The following SPTA1 variants were observed in gnomAD, a reference collection of about 807,000 sequenced individuals.
The protein encoded by SPTA1 is spectrin alpha chain, erythrocytic 1.
A neutral mutation model predicts 324.7 loss-of-function variants in SPTA1; 177 were observed. The ratio of observed to expected loss-of-function variants is 0.55; its 90% confidence interval spans 0.48 to 0.62. The LOEUF (loss-of-function observed/expected upper bound fraction) is 0.62, where lower values mean the gene tolerates loss of function less well. SPTA1 is among the 20% of genes least tolerant of loss of function. The probability of loss-of-function intolerance (pLI) is 0.00; values close to 1 mark genes in which losing one functional copy is unlikely to be tolerated. For missense variants in SPTA1, 3,162 were observed against 2,883.6 expected (o/e 1.10, Z -2.21); for synonymous variants, 1,195 against 1,041.3 (o/e 1.15, Z -2.84).
intron 1 of SPTA1, among the ~76,000 whole-genome samples, chr1:158,685,716 G>A (rs746347057): frequency 9.9e-5 from 15 of 152,076 alleles, no homozygotes; most frequent in Non-Finnish European, 1.8e-4. Flanking sequence ...GGCTAAAAAG[G>A]TGTTGAGAAG....
chr1:158,656,639 A>C lies in SPTA1; in HGVS notation c.2823T>G (p.His941Gln). The C allele has an allele frequency of 1.2e-6, 2 of 1,613,698 alleles. No homozygotes were observed. The highest frequency in any genetic ancestry group is 1.7e-6 in the Non-Finnish European group (2 of 1,179,846). ...EEAAGALLKK[H>Q]EAFLLDLNSF... ...AATTGAGATCTAATAGAAAGGCCTC[A>C]TGCTTCTTTAGAAGAGCCTGCATTT... Residue 941 changes from histidine (H) to glutamine (Q), a missense_variant, in exon 20 of 52, where the codon CAT becomes CAG. Transcript: ENST00000643759.
intron 16 of SPTA1, among the ~76,000 whole-genome samples, chr1:158,665,420 T>C (rs1653522649): frequency 1.0e-5 from 1 of 97,430 alleles, no homozygotes; most frequent in South Asian, 2.6e-4. Flanking sequence ...GTAGGCATCA[T>C]GAAAGTGTAT....
In SPTA1 at chr1:158,645,512, A is replaced by G. The variant is rs774054617; in HGVS notation, c.3979T>C (p.Leu1327=). The change falls in exon 28 of 52, where the codon TTG becomes CTG. Residue 1327 remains leucine (L), a synonymous_variant. Coordinates refer to ENST00000643759, the MANE Select transcript of SPTA1 (RefSeq NM_003126.4). ...LAEDLTGIEI[L]LERHQEHRAD... ...AGTTTTACCTGATGTCTCTCCAGCA[A>G]GATCTCTATGCCAGTTAAGTCTTCG... is the stretch of plus-strand genomic sequence containing the variant. The G allele has an allele frequency of 6.2e-7, 1 of 1,614,030 alleles. No individual in the cohort carries two copies. Among genetic ancestry groups the G allele is most frequent in the South Asian group, 1.1e-5 (1 of 91,072 alleles).
chr1:158,669,980 T>C (rs1286081453), intron 12 of SPTA1, among the ~76,000 whole-genome samples, 194 bp from the exon 13 acceptor site: 1 of 152,198 alleles, frequency 6.6e-6, no homozygotes, highest in African/African-American at 2.4e-5. Context: ...GCATGTCAAT[T>C]ACATTCTCTG....
chr1:158,645,579 C>G lies in SPTA1; in HGVS notation c.3912G>C (p.Trp1304Cys). The G allele has an allele frequency of 6.2e-7, 1 of 1,613,974 alleles. No individual in the cohort carries two copies. The highest frequency in any genetic ancestry group is 8.5e-7 in the Non-Finnish European group (1 of 1,179,902). The stretch of plus-strand genomic sequence containing the variant: ...ATACCATGCCACCAATGCTACTGAT[C>G]CAGTTCTGCAGATCCCTAGATAAAC... ...FLSKARDLQN[W>C]ISSIGGMVSS... The change falls in exon 28 of 52, where the codon TGG becomes TGC. Residue 1304 changes from tryptophan (W) to cysteine (C), a missense_variant. Physicochemically the swap from Trp to Cys is radical, Grantham distance 215. Transcript: ENST00000643759.
In SPTA1 at chr1:158,661,390, G is replaced by A. The variant is rs753103122; in HGVS notation, c.2484C>T (p.Ser828=). The change falls in exon 18 of 52, where the codon TCC becomes TCT. Residue 828 remains serine, a synonymous_variant. Coordinates refer to ENST00000643759, the MANE Select transcript of SPTA1 (RefSeq NM_003126.4). ...CTCTATGCCTATTCAGAAGCTTTTT[G>A]GAAGCAATCAGGTCCTTTCCTGCAG... The part of the protein sequence containing the change: ...STYLGKDLIA[S]KKLLNRHRVI... The A allele has an allele frequency of 7.4e-6, 12 of 1,613,686 alleles. No individual in the cohort carries two copies. The African/African-American group carries it at 9.4e-5, about 13-fold the overall frequency.
intron 16 of SPTA1, among the ~76,000 whole-genome samples, chr1:158,665,539 T>C (rs7511640): frequency 0.04 from 6,024 of 152,198 alleles, 386 homozygotes; most frequent in African/African-American, 0.14. Context: ...GGATTTCCAT[T>C]GAAATCTCCC....
At chr1:158,627,555 G>A (rs541435824) in intron 40 of SPTA1, 70 bp downstream of exon 40, 1 of 1,425,838 alleles carries the variant, frequency 7.0e-7, no homozygotes. Context: ...TATGATCTTA[G>A]CATTTCTACA....
chr1:158,663,029 A>T, intron 16 of SPTA1, 84 bp from the exon 17 acceptor site: 1 of 1,589,250 alleles, frequency 6.3e-7, no homozygotes, highest in African/African-American at 1.3e-5. Context: ...AAACGGGGTC[A>T]TGGGAAAATC....
intron 39 of SPTA1, among the ~76,000 whole-genome samples, chr1:158,633,122 A>T (rs2101798591): frequency 6.6e-6 from 1 of 152,346 alleles, no homozygotes; most frequent in Middle Eastern, 3.4e-3. Context: ...GAAATGACAA[A>T]CTTATAGAAA....
At chr1:158,668,386 G>A (rs549161913) in intron 14 of SPTA1, among the ~76,000 whole-genome samples, 21 of 152,136 alleles carry the variant, frequency 1.4e-4, no homozygotes, top group South Asian at 8.3e-4. Flanking sequence ...ATTCCTCACC[G>A]CATACATGAA....
chr1:158,634,186 C>T (rs1650893301), intron 39 of SPTA1, among the ~76,000 whole-genome samples: 1 of 152,060 alleles, frequency 6.6e-6, no homozygotes. Flanking sequence ...AGATTTTTTT[C>T]CAAATCAATG....
intron 12 of SPTA1, among the ~76,000 whole-genome samples, chr1:158,670,144 A>G (rs1039113487): frequency 1.1e-4 from 17 of 152,134 alleles, no homozygotes; most frequent in Admixed American, 3.3e-4. Context: ...CCGTGTATTC[A>G]TCTCTCAAAT....
Position 158,685,319 on chromosome 1 carries a change from A to C in SPTA1, c.53T>G (p.Leu18Trp), listed in dbSNP as rs777146280. The C allele has an allele frequency of 6.2e-7, 1 of 1,613,686 alleles. No individual in the cohort carries two copies. The highest frequency in any genetic ancestry group is 2.2e-5 in the East Asian group (1 of 44,878). ...TVVESSGPKV[L>W]ETAEEIQERR... ...CTCCTGGATCTCTTCTGCTGTTTCCAAAACCTTTGGCCCACTGCTCTCCAC... is the reference window on the plus strand; with the variant it reads ...CTCCTGGATCTCTTCTGCTGTTTCCCAAACCTTTGGCCCACTGCTCTCCAC... Residue 18 changes from leucine (L) to tryptophan (W), a missense_variant, in exon 2 of 52, where the codon TTG (leucine) becomes TGG (tryptophan). Physicochemically the swap from Leu to Trp is moderately conservative, Grantham distance 61. Transcript: ENST00000643759.
intron 48 of SPTA1, 112 bp downstream of exon 48, chr1:158,615,104 G>A (rs1168676583): frequency 8.3e-7 from 1 of 1,206,016 alleles, no homozygotes; most frequent in Admixed American, 1.8e-5. Context: ...CAGAATATTG[G>A]TTCTCTGAAG....
rs867478650 is a variant in SPTA1, at chr1:158,639,963, C to G, written c.4782G>C (p.Glu1594Asp). The change falls in exon 34 of 52, where the codon GAG becomes GAC. Residue 1594 changes from glutamate to aspartate, a missense_variant. Glu to Asp is a conservative substitution (Grantham distance 45, BLOSUM62 2). Coordinates refer to ENST00000643759, the MANE Select transcript of SPTA1 (RefSeq NM_003126.4). ...GCTTCTTCCCTTTGTCATTTGTTCT[C>G]TCAAGCAGATGATCCCAATGTTCCT... ...QLKEHWDHLL[E>D]RTNDKGKKLN... 2 of 1,613,798 alleles carry G rather than the reference C, an allele frequency of 1.2e-6. No homozygotes were observed. Among genetic ancestry groups the G allele is most frequent in the South Asian group, 1.1e-5 (1 of 91,082 alleles).
chr1:158,656,461 C>T, intron 20 of SPTA1, 103 bp downstream of exon 20: 1 of 1,036,758 alleles, frequency 9.6e-7, no homozygotes, highest in Admixed American at 1.7e-5. Flanking sequence ...TTTTCTTTGC[C>T]ATTGTTTTTG....
Position 158,672,077 on chromosome 1 carries a change from A to G in SPTA1, c.1470T>C (p.Ser490=), listed in dbSNP as rs766624247. 3.7e-6 allele frequency: 6 copies of G among 1,613,898 alleles called. No individual in the cohort carries two copies. In the African/African-American group the frequency reaches 6.7e-5, roughly 18 times the overall value. ...LFYRDSEQVD[S]WMSRQEAFLE... ...CCGTTACCTCTTGTCTACTCATCCA[A>G]CTGTCCACTTGCTCACTGTCTCTGT... The change falls in exon 11 of 52, where the codon AGT becomes AGC. Residue 490 remains serine (S), a synonymous_variant. Transcript: ENST00000643759.
chr1:158,617,055 T>TCC, intron 47 of SPTA1, among the ~76,000 whole-genome samples: 1 of 151,216 alleles, frequency 6.6e-6, no homozygotes, highest in Middle Eastern at 3.2e-3. Flanking sequence ...AAAAAAAAAA[T>TCC]GTTGAGAAAC....
Sources: gnomAD v4.1 joint callset for allele counts (sites outside exome capture counted in the v4.1 genomes callset) on GRCh38, gnomAD v4.1.1 for gene constraint, MANE v1.5 for transcripts, NCBI Gene and HGNC (gene_info 2026-07-23, HGNC 2026-07-21) for gene names.